The following GPHN variants were observed in gnomAD, a reference collection of about 807,000 sequenced individuals.
GPHN encodes the protein gephyrin.
In GPHN, 17 loss-of-function variants were observed where a neutral mutation model predicts 95.5. The observed-to-expected ratio is 0.18, with a 90% CI of 0.12 to 0.27. The LOEUF is 0.27. Among genes scored for constraint, GPHN ranks in the 10% least tolerant of loss-of-function variants. The pLI, the probability that GPHN is intolerant of heterozygous loss-of-function variation, is 1.00. For missense variants in GPHN, 660 were observed against 978.1 expected (o/e 0.67, Z 4.34); for synonymous variants, 320 against 322.5 (o/e 0.99, Z 0.08).
chr14:67,694,917 C>G, the GPHN span, among the ~76,000 whole-genome samples: 1 of 152,226 alleles, frequency 6.6e-6, no homozygotes, highest in South Asian at 2.1e-4. Flanking sequence ...AATAAGCAGG[C>G]TGCCGGTTTT....
At chr14:67,542,906 G>A in the GPHN span, among the ~76,000 whole-genome samples, 670 of 152,134 alleles carry the variant, frequency 4.4e-3, 17 homozygotes, top group East Asian at 0.061. Flanking sequence ...CTCCATGTTG[G>A]TCAGGCTGGT....
At chr14:66,924,868 CA>C (rs902746081) in intron 8 of GPHN, among the ~76,000 whole-genome samples, 4 of 149,348 alleles carry the variant, frequency 2.7e-5, no homozygotes, top group East Asian at 3.9e-4. Flanking sequence ...TGATAGCTTG[CA>C]AAAAAATGCC....
the GPHN span, among the ~76,000 whole-genome samples, chr14:67,415,265 CT>C: frequency 3.3e-4 from 50 of 150,834 alleles, no homozygotes; most frequent in South Asian, 6.3e-4. Flanking sequence ...TGAACCCTGC[CT>C]TTTTTTTTAA....
intron 9 of GPHN, among the ~76,000 whole-genome samples, chr14:67,022,931 G>C (rs1260734473): frequency 6.6e-6 from 1 of 151,858 alleles, no homozygotes; most frequent in Non-Finnish European, 1.5e-5. Context: ...GTTTCACATT[G>C]ACTTAAACAT....
chr14:67,088,853 G>T, intron 11 of GPHN, 130 bp from the exon 12 acceptor site: 1 of 694,818 alleles, frequency 1.4e-6, no homozygotes, highest in East Asian at 2.7e-5. Context: ...TCTTGGGACA[G>T]AAATCAGGAG....
intron 1 of GPHN, among the ~76,000 whole-genome samples, chr14:66,626,318 T>G (rs1015692480): frequency 8.5e-5 from 13 of 152,182 alleles, no homozygotes; most frequent in Non-Finnish European, 1.6e-4. Context: ...ATATTAAATA[T>G]GATGTTTCTC....
chr14:66,924,470 T>C (rs1057142247), intron 8 of GPHN, among the ~76,000 whole-genome samples, 178 bp downstream of exon 8: 2 of 146,422 alleles, frequency 1.4e-5, no homozygotes, highest in East Asian at 3.8e-4. Context: ...TTAATAGAGT[T>C]TCTCCTGTGA....
chr14:66,543,602 T>C lies in GPHN; in HGVS notation c.64+35011T>C, dbSNP rs1693112344. On this transcript the variant is annotated intron_variant, in intron 1 of 22. Coordinates refer to ENST00000478722, the MANE Select transcript of GPHN (RefSeq NM_020806.5). ...GGGTGTCTTAGTGACTTAATTAATA[T>C]ATTCCAAATACTGATTCCCTGCCTA... Among the ~76,000 whole-genome samples, 3 of 152,210 alleles carry C rather than the reference T, an allele frequency of 2.0e-5. No individual in the cohort carries two copies. In the South Asian group the frequency reaches 6.2e-4, roughly 32 times the overall value.
At chr14:66,706,212 A>G (rs779015803) in intron 2 of GPHN, among the ~76,000 whole-genome samples, 24 of 152,182 alleles carry the variant, frequency 1.6e-4, no homozygotes, top group Non-Finnish European at 3.1e-4. Flanking sequence ...GGAAGAAACA[A>G]TATCGTGAAA....
intron 3 of GPHN, among the ~76,000 whole-genome samples, chr14:66,780,892 A>G (rs928114845): frequency 2.0e-5 from 3 of 152,330 alleles, no homozygotes; most frequent in African/African-American, 7.2e-5. Context: ...TAAATTGTCT[A>G]AACAGAACAA....
At chr14:67,137,172 T>G (rs117999133) in intron 17 of GPHN, among the ~76,000 whole-genome samples, 9,984 of 149,570 alleles carry the variant, frequency 0.067, 350 homozygotes, top group Middle Eastern at 0.085. Context: ...TTGAGAAGGA[T>G]TCTTGCACTG....
the GPHN span, chr14:67,360,395 G>C: frequency 1.5e-4 from 61 of 395,556 alleles, no homozygotes; most frequent in African/African-American, 1.2e-3. Flanking sequence ...AAGCAAGTCT[G>C]GTCTCTGTGA....
chr14:67,678,422 C>A, the GPHN span: 2 of 1,607,494 alleles, frequency 1.2e-6, no homozygotes, highest in South Asian at 2.2e-5. Flanking sequence ...ACATGACAGT[C>A]ACTGGAAGGT....
intron 9 of GPHN, among the ~76,000 whole-genome samples, chr14:67,009,309 G>T (rs1405948079): frequency 6.6e-6 from 1 of 152,062 alleles, no homozygotes; most frequent in Non-Finnish European, 1.5e-5. Flanking sequence ...TTATGTTCTG[G>T]TACACTGAGC....
intron 3 of GPHN, among the ~76,000 whole-genome samples, chr14:66,793,719 A>G (rs948417217): frequency 5.9e-5 from 9 of 152,270 alleles, no homozygotes; most frequent in Non-Finnish European, 2.9e-5. Context: ...TCTATATTTC[A>G]TGGAATTAAG....
chr14:67,089,145 T>TTTTTTTTTTTTTTTG (rs1452885538), intron 12 of GPHN, 70 bp downstream of exon 12: 1 of 482,174 alleles, frequency 2.1e-6, no homozygotes, highest in Non-Finnish European at 3.6e-6. Flanking sequence ...TTTTTTTTTT[T>TTTTTTTTTTTTTTTG]TTTTTTTTTT....
chr14:67,584,698 T>G, the GPHN span, among the ~76,000 whole-genome samples: 1 of 152,214 alleles, frequency 6.6e-6, no homozygotes, highest in Admixed American at 6.5e-5. Flanking sequence ...GAGCTCCTAC[T>G]ATGTCCAGTG....
the GPHN span, among the ~76,000 whole-genome samples, chr14:67,192,911 T>G: frequency 1.1e-4 from 16 of 144,198 alleles, no homozygotes; most frequent in East Asian, 1.6e-3. Flanking sequence ...TAGATATATA[T>G]AGATATATAT....
the GPHN span, among the ~76,000 whole-genome samples, chr14:67,397,051 G>A: frequency 6.6e-6 from 1 of 151,354 alleles, no homozygotes; most frequent in East Asian, 1.9e-4. Flanking sequence ...CGATTCTCCT[G>A]CCTCAGCCTC....
Sources: allele counts gnomAD v4.1 joint callset (sites outside exome capture counted in the v4.1 genomes callset), GRCh38; gene constraint gnomAD v4.1.1; transcripts MANE v1.5; gene names NCBI Gene and HGNC (gene_info 2026-07-23, HGNC 2026-07-21).